Variants in USH2A observed in about 807,000 individuals in gnomAD.
The protein encoded by USH2A is Usher syndrome 2A (autosomal recessive, mild).
USH2A carries 443 observed loss-of-function variants against 538.9 expected under a neutral mutation model. That is an observed-to-expected ratio of 0.82 (90% CI 0.76 to 0.89). The LOEUF (loss-of-function observed/expected upper bound fraction) is 0.89, where lower values mean the gene tolerates loss of function less well. Among genes scored for constraint, USH2A ranks in the 40% least tolerant of loss-of-function variants. The probability of loss-of-function intolerance (pLI) is 0.00; values close to 1 mark genes in which losing one functional copy is unlikely to be tolerated. For synonymous variants in USH2A, 2,413 were observed against 2,273.5 expected, an observed-to-expected ratio of 1.06 and a Z score of -1.75; for missense variants, 6,633 against 6,324.8, an observed-to-expected ratio of 1.05 and a Z score of -1.65.
chr1:216,324,841 T>A (rs189853892), intron 6 of USH2A, among the ~76,000 whole-genome samples: 23 of 152,270 alleles, frequency 1.5e-4, no homozygotes, highest in Non-Finnish European at 7.4e-5. Flanking sequence ...GTTTTCACCT[T>A]GTAGTGGGTT....
chr1:215,786,821 A>G lies in USH2A; in HGVS notation c.10236T>C (p.His3412=), dbSNP rs746257178. Residue 3412 remains histidine, a synonymous_variant, in exon 52 of 72, where the codon CAT becomes CAC. Coordinates refer to ENST00000307340, the MANE Select transcript of USH2A (RefSeq NM_206933.4). Reference sequence around the variant, plus strand: ...TAAAGTTGAAGTCACACCTGCCACAATGTTCTGTGGCTTCCATAGATGCTG... The same window carrying G: ...TAAAGTTGAAGTCACACCTGCCACAGTGTTCTGTGGCTTCCATAGATGCTG... ...LCPASMEATE[H]CGRCDFNFTS... 3.5e-5 allele frequency: 57 copies of G among 1,613,790 alleles called. No individual in the cohort carries two copies. The highest frequency in any genetic ancestry group is 4.7e-5 in the Non-Finnish European group (55 of 1,179,928).
At chr1:215,695,404 C>G (rs1658772273) in intron 61 of USH2A, among the ~76,000 whole-genome samples, 2 of 152,076 alleles carry the variant, frequency 1.3e-5, no homozygotes, top group South Asian at 2.1e-4. Flanking sequence ...TATTAACTAC[C>G]TAAAAGGTCC....
intron 30 of USH2A, among the ~76,000 whole-genome samples, chr1:216,058,788 A>T (rs1348372512): frequency 6.6e-6 from 1 of 152,216 alleles, no homozygotes; most frequent in East Asian, 1.9e-4. Context: ...AAATATTAAC[A>T]TTAGGTTAAC....
chr1:216,320,566 A>G (rs1421579171), intron 9 of USH2A, among the ~76,000 whole-genome samples: 2 of 152,170 alleles, frequency 1.3e-5, no homozygotes, highest in African/African-American at 2.4e-5. Context: ...TCAATTGGCA[A>G]TCCCATCAGT....
intron 37 of USH2A, 50 bp downstream of exon 37, chr1:215,965,267 T>G: frequency 6.4e-7 from 1 of 1,553,742 alleles, no homozygotes; most frequent in Non-Finnish European, 8.8e-7. Context: ...TAAATAAAAA[T>G]GAGTTGTTTT....
intron 10 of USH2A, among the ~76,000 whole-genome samples, chr1:216,290,184 CT>C (rs2036974828): frequency 6.6e-6 from 1 of 152,060 alleles, no homozygotes; most frequent in Non-Finnish European, 1.5e-5. Context: ...TCAATTCCCC[CT>C]TTAAACATGA....
chr1:216,175,775 A>G (rs994059816), intron 20 of USH2A, among the ~76,000 whole-genome samples: 36 of 152,224 alleles, frequency 2.4e-4, no homozygotes, highest in African/African-American at 6.8e-4. Context: ...CTTATATATT[A>G]TAGTAGCTGC....
chr1:216,057,738 A>G (rs2102534903), intron 30 of USH2A, among the ~76,000 whole-genome samples: 1 of 152,242 alleles, frequency 6.6e-6, no homozygotes, highest in Admixed American at 6.5e-5. Flanking sequence ...ATATTAATTT[A>G]TGGTCTACTA....
intron 21 of USH2A, among the ~76,000 whole-genome samples, chr1:216,106,264 G>A (rs1010301259): frequency 8.9e-5 from 13 of 145,902 alleles, no homozygotes; most frequent in African/African-American, 1.7e-4. Context: ...CCTGTTTTAC[G>A]GCCCAGCATA....
intron 13 of USH2A, among the ~76,000 whole-genome samples, chr1:216,241,554 G>T (rs1378360950): frequency 6.7e-6 from 1 of 148,848 alleles, no homozygotes; most frequent in Non-Finnish European, 1.5e-5. Context: ...TTTTTTTTGA[G>T]ACGGAGTTTG....
rs375176415 is a variant in USH2A at position 215,719,362 on chromosome 1, C to CAAA, written c.12066+8665_12066+8667dup. 6.4e-4 allele frequency among the ~76,000 whole-genome samples: 48 copies of CAAA among 74,566 alleles called. 1 individual carries two copies. The highest frequency in any genetic ancestry group is 7.5e-4 in the Non-Finnish European group (29 of 38,714). The allele number at this position is 74,566 out of a possible 152,430, so 48.9% of individuals were successfully genotyped here. ...TAAGACCGTAATAAACCTCAGGAGA[C>CAAA]AAAAAAAAAAAAAAAAAAAAAGCAT... On this transcript the variant is annotated intron_variant, in intron 61 of 71. Transcript: ENST00000307340.
At chr1:216,334,232 G>C (rs377149505) in intron 4 of USH2A, among the ~76,000 whole-genome samples, 1 of 151,828 alleles carries the variant, frequency 6.6e-6, no homozygotes, top group Non-Finnish European at 1.5e-5. Flanking sequence ...AACTATATAG[G>C]TGCAAAATTT....
rs1258022188 is a variant in USH2A at position 215,766,723 on chromosome 1, T to C, written c.11005A>G (p.Ser3669Gly). The change falls in exon 56 of 72, where the codon AGC becomes GGC. Residue 3669 changes from serine to glycine, a missense_variant. Transcript: ENST00000307340. ...AGTGTCTGACCTAGAAAAGGCTCGC[T>C]TGAAGTGCACCCAGCAGATGTACAA... is the stretch of plus-strand genomic sequence containing the variant. ...TACTSAGCTS[S>G]EPFLGQTLQA... 3 of 1,613,710 alleles carry C rather than the reference T, an allele frequency of 1.9e-6. No individual in the cohort carries two copies. Among genetic ancestry groups the C allele is most frequent in the Non-Finnish European group, 1.7e-6 (2 of 1,179,676 alleles).
At position 215,752,596 on chromosome 1, in the gene USH2A, A is replaced by G. The variant is rs1857229; in HGVS notation, c.11389+5999T>C. Among the ~76,000 whole-genome samples, 4,670 of 152,246 alleles carry G rather than the reference A, an allele frequency of 0.031. 462 individuals carry two copies. In the East Asian group the frequency reaches 0.36, roughly 12 times the overall value. ...CTATTCCTTCTAGAATGTGTAGGTA[A>G]AGCTTTCTGGTTACTACTTCCTTCA... On this transcript the variant is annotated intron_variant, in intron 58 of 71. Coordinates refer to ENST00000307340, the MANE Select transcript of USH2A (RefSeq NM_206933.4).
Position 215,680,153 on chromosome 1 carries a change from A to G in USH2A, c.12290T>C (p.Ile4097Thr), listed in dbSNP as rs1351618142. ...CTTATGCAGGGTAGACATTACCTTAATCACACCATTGGTTCTCATAGGTTC... is the reference window on the plus strand; with the variant it reads ...CTTATGCAGGGTAGACATTACCTTAGTCACACCATTGGTTCTCATAGGTTC... Reference protein sequence around the residue: ...WSEPMRTNGVIKTYNIFSDGF... With the variant: ...WSEPMRTNGVTKTYNIFSDGF... Residue 4097 changes from isoleucine (I) to threonine (T), a missense_variant, in exon 62 of 72, where the codon ATT (isoleucine) becomes ACT (threonine). Transcript: ENST00000307340. 6.8e-6 allele frequency: 11 copies of G among 1,613,842 alleles called. No individual in the cohort carries two copies. The highest frequency in any genetic ancestry group is 1.6e-4 in the Middle Eastern group (1 of 6,084).
At position 215,675,453 on chromosome 1, in the gene USH2A, G is replaced by A. The variant is rs779875423; in HGVS notation, c.12458C>T (p.Ala4153Val). 24 of 1,613,906 alleles carry A rather than the reference G, an allele frequency of 1.5e-5. No homozygotes were observed. The highest frequency in any genetic ancestry group is 2.0e-5 in the Non-Finnish European group (24 of 1,179,920). ...SAPQPLWTDE[A>V]PPDSQLAPTV... Reference sequence around the variant, plus strand: ...AGGAGCCAGCTGAGAGTCTGGAGGGGCTTCATCTGTCCACAGAGGCTGAGG... The same window carrying A: ...AGGAGCCAGCTGAGAGTCTGGAGGGACTTCATCTGTCCACAGAGGCTGAGG... The change falls in exon 63 of 72, where the codon GCC (alanine) becomes GTC (valine). Residue 4153 changes from alanine (A) to valine (V), a missense_variant. Transcript: ENST00000307340.
intron 61 of USH2A, among the ~76,000 whole-genome samples, chr1:215,702,773 G>A (rs10864189): frequency 0.62 from 93,577 of 151,198 alleles, 29,568 homozygotes; most frequent in Middle Eastern, 0.72. Context: ...CCTTTTGCTC[G>A]GAGGAGTTTG....
chr1:216,324,061 G>A, intron 7 of USH2A, 107 bp downstream of exon 7: 1 of 1,240,974 alleles, frequency 8.1e-7, no homozygotes, highest in Non-Finnish European at 1.1e-6. Context: ...CTGCCTCAAG[G>A]AAGTTGGTGG....
intron 35 of USH2A, among the ~76,000 whole-genome samples, chr1:215,986,578 C>G (rs771877048): frequency 2.6e-5 from 4 of 152,124 alleles, no homozygotes; most frequent in Non-Finnish European, 5.9e-5. Flanking sequence ...ATTAGGAAAT[C>G]TACAGATTAC....
Sources: gnomAD v4.1 joint callset for allele counts (sites outside exome capture counted in the v4.1 genomes callset) on GRCh38, gnomAD v4.1.1 for gene constraint, MANE v1.5 for transcripts, NCBI Gene and HGNC (gene_info 2026-07-23, HGNC 2026-07-21) for gene names.